The following GRM8 variants were observed in gnomAD, a reference collection of about 807,000 sequenced individuals.
GRM8 encodes the protein metabotropic glutamate receptor 8.
A neutral mutation model predicts 87.2 loss-of-function variants in GRM8; 47 were observed. That is an observed-to-expected ratio of 0.54 (90% CI 0.43 to 0.69). The LOEUF (loss-of-function observed/expected upper bound fraction) is 0.69. Among genes scored for constraint, GRM8 ranks in the 30% least tolerant of loss-of-function variants. The pLI is 0.00. For missense variants in GRM8, 1,019 were observed against 1,139.2 expected, an observed-to-expected ratio of 0.89 and a Z score of 1.52; for synonymous variants, 396 against 404.5, an observed-to-expected ratio of 0.98 and a Z score of 0.25.
chr7:126,771,553 A>T (rs182106365), intron 6 of GRM8, among the ~76,000 whole-genome samples: 5 of 152,228 alleles, frequency 3.3e-5, no homozygotes, highest in Admixed American at 2.6e-4. Flanking sequence ...ACAGTCTAGA[A>T]ATATAAATCG....
intron 6 of GRM8, among the ~76,000 whole-genome samples, chr7:126,889,478 T>G (rs1800794942): frequency 6.6e-6 from 1 of 152,090 alleles, no homozygotes; most frequent in African/African-American, 2.4e-5. Flanking sequence ...CTATCTGGGT[T>G]GCAAGTAGCA....
At chr7:126,963,723 G>A (rs1809547562) in intron 3 of GRM8, among the ~76,000 whole-genome samples, 1 of 152,154 alleles carries the variant, frequency 6.6e-6, no homozygotes, top group Non-Finnish European at 1.5e-5. Context: ...TCAATATCAT[G>A]AAAATGGCCA....
At chr7:126,905,023 A>G (rs1409318809) in intron 3 of GRM8, among the ~76,000 whole-genome samples, 1 of 152,384 alleles carries the variant, frequency 6.6e-6, no homozygotes, top group African/African-American at 2.4e-5. Context: ...CCAAAGGACA[A>G]GTGACAGAAT....
At chr7:126,802,477 A>G (rs1166256803) in intron 6 of GRM8, among the ~76,000 whole-genome samples, 2 of 152,156 alleles carry the variant, frequency 1.3e-5, no homozygotes, top group Admixed American at 6.5e-5. Context: ...GTGTTCATCA[A>G]TGGATGAATG....
rs1353093928 is a variant in GRM8, at chr7:126,827,306, C to T, written c.1157-57241G>A. On this transcript the variant is annotated intron_variant, in intron 6 of 10. Transcript: ENST00000339582. ...CATTGAATCTGTAAATTACCTTGGG[C>T]AGTATGGCCATTTTCATGATATTTT... is the stretch of plus-strand genomic sequence containing the variant. Among the ~76,000 whole-genome samples, 6 of 152,130 alleles carry T rather than the reference C, an allele frequency of 3.9e-5. No individual in the cohort carries two copies. In the East Asian group the frequency reaches 9.7e-4, roughly 24 times the overall value.
At chr7:126,519,399 G>A (rs1439098161) in intron 9 of GRM8, among the ~76,000 whole-genome samples, 9 of 151,824 alleles carry the variant, frequency 5.9e-5, no homozygotes, top group Non-Finnish European at 1.3e-4. Flanking sequence ...TATTAATAAA[G>A]TTTGGAAAGT....
At chr7:126,667,223 G>T (rs1296663516) in intron 7 of GRM8, among the ~76,000 whole-genome samples, 5 of 152,084 alleles carry the variant, frequency 3.3e-5, no homozygotes, top group African/African-American at 1.2e-4. Context: ...GAAGCACAAA[G>T]ATTTGCCCAG....
intron 6 of GRM8, among the ~76,000 whole-genome samples, chr7:126,900,052 C>A (rs1271234778): frequency 6.6e-6 from 1 of 152,120 alleles, no homozygotes; most frequent in Admixed American, 6.5e-5. Flanking sequence ...TTCCTGGTTC[C>A]TGCCCTTGAA....
intron 6 of GRM8, among the ~76,000 whole-genome samples, chr7:126,873,725 T>A (rs1799300212): frequency 6.6e-6 from 1 of 151,810 alleles, no homozygotes; most frequent in Non-Finnish European, 1.5e-5. Context: ...TTTTCTAGAG[T>A]TTTCTTTGTC....
At chr7:126,858,028 G>C (rs1271742613) in intron 6 of GRM8, among the ~76,000 whole-genome samples, 1 of 152,112 alleles carries the variant, frequency 6.6e-6, no homozygotes, top group Non-Finnish European at 1.5e-5. Flanking sequence ...CACTCTCCAC[G>C]CACTAAAATC....
intron 8 of GRM8, among the ~76,000 whole-genome samples, chr7:126,608,091 T>C (rs1267501353): frequency 6.6e-6 from 1 of 151,946 alleles, no homozygotes; most frequent in Non-Finnish European, 1.5e-5. Flanking sequence ...AAATGTGAAA[T>C]AATTCTTCAC....
intron 3 of GRM8, chr7:127,084,902 T>A (rs1391636334): frequency 6.6e-6 from 1 of 152,224 alleles, no homozygotes. Context: ...CCATGTTGGT[T>A]TGCTGCACTC....
At chr7:126,630,074 TA>T (rs1801104452) in intron 7 of GRM8, among the ~76,000 whole-genome samples, 2 of 151,654 alleles carry the variant, frequency 1.3e-5, no homozygotes, top group African/African-American at 4.8e-5. Context: ...CATTATGTGA[TA>T]AAACATGAAA....
intron 3 of GRM8, among the ~76,000 whole-genome samples, chr7:127,007,141 T>C (rs557780329): frequency 6.6e-6 from 1 of 152,156 alleles, no homozygotes; most frequent in South Asian, 2.1e-4. Context: ...TACCCCTTTC[T>C]TTCAGGGCCA....
At chr7:126,715,266 A>AT (rs1039212696) in intron 7 of GRM8, among the ~76,000 whole-genome samples, 4 of 152,232 alleles carry the variant, frequency 2.6e-5, no homozygotes, top group South Asian at 2.1e-4. Context: ...ATCACAAGGC[A>AT]TTTTAAGCAG....
chr7:126,968,789 G>A (rs186859386), intron 3 of GRM8, among the ~76,000 whole-genome samples: 50 of 152,242 alleles, frequency 3.3e-4, no homozygotes, highest in African/African-American at 1.1e-3. Context: ...GGCAGGATAT[G>A]GATGGTTGTG....
At chr7:126,549,640 C>A (rs1792357019) in intron 8 of GRM8, among the ~76,000 whole-genome samples, 1 of 152,022 alleles carries the variant, frequency 6.6e-6, no homozygotes, top group Non-Finnish European at 1.5e-5. Flanking sequence ...AGGAGAAACT[C>A]TTATGATCAC....
chr7:126,962,212 G>C (rs1809390945), intron 3 of GRM8, among the ~76,000 whole-genome samples: 1 of 152,152 alleles, frequency 6.6e-6, no homozygotes, highest in South Asian at 2.1e-4. Context: ...TAACATCCCT[G>C]TAAGGGTAGG....
At chr7:126,724,476 A>G (rs1425221412) in intron 7 of GRM8, among the ~76,000 whole-genome samples, 1 of 152,104 alleles carries the variant, frequency 6.6e-6, no homozygotes, top group African/African-American at 2.4e-5. Context: ...GCCTGGAGGA[A>G]AAGTCCCTCT....
Sources: gnomAD v4.1 joint callset for allele counts (sites outside exome capture counted in the v4.1 genomes callset) on GRCh38, gnomAD v4.1.1 for gene constraint, MANE v1.5 for transcripts, NCBI Gene and HGNC (gene_info 2026-07-23, HGNC 2026-07-21) for gene names.